Variants in CEP112 observed in about 807,000 individuals in gnomAD.
CEP112 encodes centrosomal protein 112, also known as centrosomal protein of 112 kDa.
CEP112 carries 127 observed loss-of-function variants against 153.0 expected under a neutral mutation model. That is an observed-to-expected ratio of 0.83 (90% confidence interval 0.72 to 0.96). The LOEUF (loss-of-function observed/expected upper bound fraction) is 0.96. CEP112 is among the 40% of genes least tolerant of loss of function. The pLI, the probability that CEP112 is intolerant of heterozygous loss-of-function variation, is 0.00. For missense variants in CEP112, 1,089 were observed against 1,101.2 expected (o/e 0.99, Z 0.16); for synonymous variants, 358 against 374.4 (o/e 0.96, Z 0.51).
rs977841581 is a variant in CEP112 at position 65,706,242 on chromosome 17, T to C, written c.2608-17024A>G. On this transcript the variant is annotated intron_variant, in intron 23 of 26. Transcript: ENST00000535342. ...AGTATTTGGGAAAAGCCTTGAATAA[T>C]AGCTACAGTTCTGACAGGCCTAAGG... 4.6e-5 allele frequency among the ~76,000 whole-genome samples: 7 copies of C among 152,330 alleles called. No individual in the cohort carries two copies. The East Asian group carries it at 5.8e-4, about 13-fold the overall frequency.
chr17:65,971,554 A>G lies in CEP112; in HGVS notation c.1737-9956T>C, dbSNP rs146953525. On this transcript the variant is annotated intron_variant, in intron 17 of 26. Coordinates refer to ENST00000535342, the MANE Select transcript of CEP112 (RefSeq NM_001199165.4). ...CCTAAATGTATGTTGCATGTATGTTACATGTGTGTTGTATGTATATGGCAT... is the reference window on the plus strand; with the variant it reads ...CCTAAATGTATGTTGCATGTATGTTGCATGTGTGTTGTATGTATATGGCAT... Among the ~76,000 whole-genome samples, 285 of 152,316 alleles carry G rather than the reference A, an allele frequency of 1.9e-3. 2 individuals are homozygous for G. Among genetic ancestry groups the G allele is most frequent in the African/African-American group, 5.8e-3 (240 of 41,574 alleles).
intron 8 of CEP112, among the ~76,000 whole-genome samples, chr17:66,092,182 G>A (rs1373169950): frequency 6.6e-6 from 1 of 151,490 alleles, no homozygotes; most frequent in South Asian, 2.1e-4. Flanking sequence ...TGGGATTACA[G>A]GTGCACACCA....
At chr17:65,658,039 G>T (rs994406870) in intron 24 of CEP112, among the ~76,000 whole-genome samples, 1 of 152,216 alleles carries the variant, frequency 6.6e-6, no homozygotes, top group East Asian at 1.9e-4. Context: ...CCTTATATGT[G>T]CCAGATACTG....
intron 12 of CEP112, among the ~76,000 whole-genome samples, chr17:66,041,250 T>TA (rs58956328): frequency 0.52 from 78,375 of 151,814 alleles, 21,109 homozygotes; most frequent in African/African-American, 0.59. Context: ...ATCACCAAAA[T>TA]AAGTATTGTA....
At chr17:65,920,708 C>T (rs1363634458) in intron 19 of CEP112, among the ~76,000 whole-genome samples, 2 of 151,854 alleles carry the variant, frequency 1.3e-5, no homozygotes, top group South Asian at 2.1e-4. Flanking sequence ...TTGTCAGTGG[C>T]CTGCTTAAAA....
rs991905184 is a variant in CEP112 at position 65,695,646 on chromosome 17, T to C, written c.2608-6428A>G. On this transcript the variant is annotated intron_variant, in intron 23 of 26. Transcript: ENST00000535342. The stretch of plus-strand genomic sequence containing the variant: ...AAGGTTTTTTAATAAAGGAAAACTT[T>C]ATTGGAAGAGAGAAATACTAGGTCA... 4.6e-4 allele frequency among the ~76,000 whole-genome samples: 70 copies of C among 152,224 alleles called. 1 individual carries two copies. The highest frequency in any genetic ancestry group is 7.6e-4 in the Non-Finnish European group (52 of 68,046).
chr17:66,137,372 T>C (rs2070482626), intron 4 of CEP112, among the ~76,000 whole-genome samples: 1 of 151,986 alleles, frequency 6.6e-6, no homozygotes, highest in Non-Finnish European at 1.5e-5. Context: ...AATTTACATA[T>C]TACTAAAGTT....
intron 4 of CEP112, among the ~76,000 whole-genome samples, chr17:66,135,224 C>G (rs945044714): frequency 2.6e-5 from 4 of 152,092 alleles, no homozygotes; most frequent in African/African-American, 9.7e-5. Context: ...GCATTTGAGC[C>G]AACTGAAGGA....
At chr17:65,964,703 AAGGG>A (rs75971724) in intron 17 of CEP112, among the ~76,000 whole-genome samples, 72,763 of 151,838 alleles carry the variant, frequency 0.48, 18,415 homozygotes, top group East Asian at 0.89. Context: ...TGGTTGATGA[AAGGG>A]TGCTGTGGCA....
At chr17:66,134,921 C>T (rs1368179546) in intron 4 of CEP112, among the ~76,000 whole-genome samples, 1 of 152,180 alleles carries the variant, frequency 6.6e-6, no homozygotes, top group African/African-American at 2.4e-5. Context: ...TTGCCCATCC[C>T]ATACATGCTG....
chr17:65,862,370 C>T (rs62065111), intron 20 of CEP112, among the ~76,000 whole-genome samples: 18,372 of 152,014 alleles, frequency 0.12, 1,150 homozygotes, highest in Non-Finnish European at 0.14. Flanking sequence ...GAGTGGATCA[C>T]GAGGTCAGGA....
At chr17:65,908,849 A>G (rs2060179326) in intron 19 of CEP112, among the ~76,000 whole-genome samples, 1 of 152,222 alleles carries the variant, frequency 6.6e-6, no homozygotes, top group Non-Finnish European at 1.5e-5. Context: ...CAGCTTGATG[A>G]TGACGTCTTC....
chr17:65,995,408 T>C (rs550964641), intron 17 of CEP112, among the ~76,000 whole-genome samples: 4 of 152,148 alleles, frequency 2.6e-5, no homozygotes, highest in African/African-American at 7.2e-5. Context: ...GGTGGGAAAA[T>C]AGAAGAGGGT....
At chr17:65,811,900 T>C (rs1006101483) in intron 21 of CEP112, among the ~76,000 whole-genome samples, 1 of 152,202 alleles carries the variant, frequency 6.6e-6, no homozygotes, top group African/African-American at 2.4e-5. Flanking sequence ...AAGTGGTATT[T>C]TACTACTAAA....
intron 17 of CEP112, among the ~76,000 whole-genome samples, chr17:65,990,215 C>T (rs2063547112): frequency 6.6e-6 from 1 of 152,094 alleles, no homozygotes; most frequent in Non-Finnish European, 1.5e-5. Context: ...AATAAAAAGG[C>T]ATAGAGTGTA....
At chr17:65,958,837 G>T (rs1379491615) in intron 18 of CEP112, among the ~76,000 whole-genome samples, 1 of 152,100 alleles carries the variant, frequency 6.6e-6, no homozygotes, top group Non-Finnish European at 1.5e-5. Context: ...AGACTGGAGT[G>T]GGAACTCGTG....
intron 18 of CEP112, among the ~76,000 whole-genome samples, chr17:65,960,302 G>A (rs2062152645): frequency 6.6e-6 from 1 of 151,438 alleles, no homozygotes; most frequent in Admixed American, 6.6e-5. Context: ...GATATAAAAG[G>A]GCAAACAGAA....
At chr17:66,134,352 T>C (rs560028614) in intron 4 of CEP112, among the ~76,000 whole-genome samples, 1 of 152,310 alleles carries the variant, frequency 6.6e-6, no homozygotes, top group South Asian at 2.1e-4. Flanking sequence ...ATTGGGTCCA[T>C]GCTCTAACTT....
At chr17:65,912,269 C>T (rs1465960804) in intron 19 of CEP112, among the ~76,000 whole-genome samples, 2 of 152,300 alleles carry the variant, frequency 1.3e-5, no homozygotes, top group East Asian at 3.9e-4. Flanking sequence ...TCTAGCCTTA[C>T]TATCCAGTAG....
Sources: gnomAD v4.1 joint callset for allele counts (sites outside exome capture counted in the v4.1 genomes callset) on GRCh38, gnomAD v4.1.1 for gene constraint, MANE v1.5 for transcripts, NCBI Gene and HGNC (gene_info 2026-07-23, HGNC 2026-07-21) for gene names.